KIZ: variants seen among roughly 807,000 people sequenced by gnomAD.
KIZ encodes kizuna centrosomal protein.
A neutral mutation model predicts 79.6 loss-of-function variants in KIZ; 68 were observed. The ratio of observed to expected loss-of-function variants is 0.85; its 90% CI spans 0.70 to 1.05. The LOEUF (loss-of-function observed/expected upper bound fraction) is 1.05. KIZ is among the 50% of genes least tolerant of loss of function. The pLI is 0.00. For missense variants in KIZ, 797 were observed against 800.4 expected (o/e 1.00, Z 0.05); for synonymous variants, 280 against 281.8 (o/e 0.99, Z 0.06).
intron 6 of KIZ, chr20:21,197,476 C>T (rs1324713456): frequency 6.6e-6 from 1 of 152,174 alleles, no homozygotes; most frequent in African/African-American, 2.4e-5. Flanking sequence ...TTGTGGGGAT[C>T]TAACTTTGTT....
chr20:21,191,623 G>T (rs958033677), intron 6 of KIZ, among the ~76,000 whole-genome samples: 3 of 152,160 alleles, frequency 2.0e-5, no homozygotes, highest in Admixed American at 2.0e-4. Context: ...AGAGGCTAAA[G>T]AAATCGTCAT....
chr20:21,185,688 A>G (rs1050975380), intron 6 of KIZ, among the ~76,000 whole-genome samples: 1 of 151,078 alleles, frequency 6.6e-6, no homozygotes, highest in Admixed American at 6.6e-5. Context: ...TGGGATTACA[A>G]GCGTGAGCCA....
intron 6 of KIZ, chr20:21,166,670 C>T (rs2033957394): frequency 5.7e-6 from 4 of 703,706 alleles, no homozygotes; most frequent in Non-Finnish European, 9.5e-6. Flanking sequence ...GTTGGTCAGG[C>T]TGGTCTTGTA....
At position 21,142,781 on chromosome 20, in the gene KIZ, C is replaced by A. The variant is rs893387003; in HGVS notation, c.316-2784C>A. Among the ~76,000 whole-genome samples, 9 of 98,432 alleles carry A rather than the reference C, an allele frequency of 9.1e-5. No homozygotes were observed. The East Asian group carries it at 2.5e-3, about 27-fold the overall frequency. 64.6% of individuals were successfully genotyped at this position (98,432 alleles called of 152,430 possible). ...ACTCCAGCCTGGGTGACAGAGCAAGCCCTTGTCTCAAATAAATAAATAAAT... is the reference window on the plus strand; with the variant it reads ...ACTCCAGCCTGGGTGACAGAGCAAGACCTTGTCTCAAATAAATAAATAAAT... On this transcript the variant is annotated intron_variant, in intron 3 of 12. Coordinates refer to ENST00000619189, the MANE Select transcript of KIZ (RefSeq NM_018474.6).
chr20:21,139,094 A>G (rs528696153), intron 3 of KIZ: 7 of 138,898 alleles, frequency 5.0e-5, no homozygotes, highest in Non-Finnish European at 1.1e-4. Flanking sequence ...TTTTTTTTTA[A>G]TGTTATGATG....
chr20:21,166,148 A>ATTTTTTTTTTTTTT, intron 6 of KIZ: 1 of 668,252 alleles, frequency 1.5e-6, no homozygotes, highest in Admixed American at 2.6e-5. Context: ...TGTATTTTGT[A>ATTTTTTTTTTTTTT]TTTTTTTTTT....
chr20:21,162,396 G>A lies in KIZ; in HGVS notation c.931G>A (p.Val311Ile). The A allele has an allele frequency of 1.2e-6, 2 of 1,613,540 alleles. No homozygotes were observed. The highest frequency in any genetic ancestry group is 8.5e-7 in the Non-Finnish European group (1 of 1,179,678). ...AATACTGACACGGGAACATATTGAA[G>A]TTGAGGAAAAAAGAGCCAGCCCGCC... ...GEILTREHIE[V>I]EEKRASPPVS... The change falls in exon 5 of 13, where the codon GTT (valine) becomes ATT (isoleucine). Residue 311 changes from valine to isoleucine, a missense_variant. By Grantham distance (29) the Val-to-Ile change is conservative. Transcript: ENST00000619189.
At chr20:21,172,444 G>C (rs944783652) in intron 6 of KIZ, among the ~76,000 whole-genome samples, 3 of 151,684 alleles carry the variant, frequency 2.0e-5, no homozygotes, top group African/African-American at 7.3e-5. Context: ...CTCTACAAAA[G>C]ATGCAAAAAA....
intron 6 of KIZ, among the ~76,000 whole-genome samples, chr20:21,192,430 T>C (rs1012352959): frequency 2.0e-5 from 3 of 151,962 alleles, no homozygotes; most frequent in Non-Finnish European, 4.4e-5. Flanking sequence ...GACTGCAGGC[T>C]GGAGCCACCG....
At chr20:21,172,949 C>A (rs1189303148) in intron 6 of KIZ, among the ~76,000 whole-genome samples, 1 of 152,174 alleles carries the variant, frequency 6.6e-6, no homozygotes, top group African/African-American at 2.4e-5. Flanking sequence ...GCAGTGGGGG[C>A]ATACTGAGTG....
intron 6 of KIZ, among the ~76,000 whole-genome samples, chr20:21,165,824 C>T (rs2033902574): frequency 6.6e-6 from 1 of 152,216 alleles, no homozygotes; most frequent in Non-Finnish European, 1.5e-5. Context: ...TCAGATGAGA[C>T]TTTAAAAGAG....
chr20:21,207,339 A>G (rs2035867848), intron 7 of KIZ, among the ~76,000 whole-genome samples: 1 of 152,024 alleles, frequency 6.6e-6, no homozygotes, highest in Admixed American at 6.6e-5. Context: ...AAACATACAT[A>G]TATTCAGTGA....
chr20:21,141,317 G>T (rs1340302395), intron 3 of KIZ, among the ~76,000 whole-genome samples: 1 of 152,082 alleles, frequency 6.6e-6, no homozygotes, highest in Non-Finnish European at 1.5e-5. Context: ...GAGGGCACTG[G>T]GTGTATTATT....
At chr20:21,196,127 A>G (rs895798792) in intron 6 of KIZ, 1 of 152,256 alleles carries the variant, frequency 6.6e-6, no homozygotes, top group African/African-American at 2.4e-5. Flanking sequence ...TCAGAAATCC[A>G]CAAGCTTATT....
rs573024117 is a variant in KIZ at position 21,232,808 on chromosome 20, A to G, written c.1858A>G (p.Ser620Gly). Residue 620 changes from serine (S) to glycine (G), a missense_variant, in exon 11 of 13, where the codon AGT (serine) becomes GGT (glycine). Ser to Gly is a moderately conservative substitution (Grantham distance 56, BLOSUM62 0). Coordinates refer to ENST00000619189, the MANE Select transcript of KIZ (RefSeq NM_018474.6). The part of the protein sequence containing the change: ...KIASEASFSS[S>G]EGSPLSRHEN... The stretch of plus-strand genomic sequence containing the variant: ...TGCTTCGGAAGCTAGTTTTTCATCT[A>G]GTGAAGGAAGTCCTTTGTCAAGGTA... 1.9e-6 allele frequency: 3 copies of G among 1,550,422 alleles called. No individual in the cohort carries two copies. Among genetic ancestry groups the G allele is most frequent in the African/African-American group, 2.7e-5 (2 of 73,930 alleles).
At chr20:21,172,432 G>A (rs1444815190) in intron 6 of KIZ, among the ~76,000 whole-genome samples, 2 of 151,908 alleles carry the variant, frequency 1.3e-5, no homozygotes, top group East Asian at 1.9e-4. Flanking sequence ...GTGAAACCTC[G>A]TCTCTACAAA....
At chr20:21,146,031 T>G (rs904743531) in intron 4 of KIZ, among the ~76,000 whole-genome samples, 1 of 152,226 alleles carries the variant, frequency 6.6e-6, no homozygotes, top group African/African-American at 2.4e-5. Flanking sequence ...TTTGTACATT[T>G]TAACCTTTGC....
chr20:21,176,569 C>CAAAAAAAAAAA (rs35016994), intron 6 of KIZ, among the ~76,000 whole-genome samples: 2 of 131,114 alleles, frequency 1.5e-5, no homozygotes. Flanking sequence ...ACAAAAAAGG[C>CAAAAAAAAAAA]AAAAAAAAAA....
chr20:21,129,928 C>T (rs1288206823), intron 1 of KIZ, among the ~76,000 whole-genome samples: 1 of 152,064 alleles, frequency 6.6e-6, no homozygotes, highest in Non-Finnish European at 1.5e-5. Flanking sequence ...AACCATTAGC[C>T]TTTTCTGATC....
Sources: gnomAD v4.1 joint callset for allele counts (sites outside exome capture counted in the v4.1 genomes callset) on GRCh38, gnomAD v4.1.1 for gene constraint, MANE v1.5 for transcripts, NCBI Gene and HGNC (gene_info 2026-07-23, HGNC 2026-07-21) for gene names.